The following THBS4 variants were observed in gnomAD, a reference collection of about 807,000 sequenced individuals.
THBS4 encodes the protein thrombospondin-4.
A neutral mutation model predicts 115.7 loss-of-function variants in THBS4; 90 were observed. The observed-to-expected ratio is 0.78, with a 90% CI of 0.66 to 0.93. The LOEUF (loss-of-function observed/expected upper bound fraction) is 0.93, where lower values mean the gene tolerates loss of function less well. THBS4 is among the 40% of genes least tolerant of loss of function. THBS4 has a pLI of 0.00. For synonymous variants in THBS4, 460 were observed against 479.3 expected, an observed-to-expected ratio of 0.96 and a Z score of 0.53; for missense variants, 1,087 against 1,232.7, an observed-to-expected ratio of 0.88 and a Z score of 1.77.
chr5:80,082,143 G>T (rs1743538689), intron 20 of THBS4: 1 of 418,670 alleles, frequency 2.4e-6, no homozygotes, highest in African/African-American at 2.0e-5. Context: ...GTTAGGCCTT[G>T]TGAGAGACAG....
At chr5:80,048,976 G>A (rs544943152) in intron 2 of THBS4, among the ~76,000 whole-genome samples, 2 of 152,216 alleles carry the variant, frequency 1.3e-5, no homozygotes, top group East Asian at 3.9e-4. Context: ...GTTTAAAAGT[G>A]CCAAAGAGCA....
chr5:80,043,084 T>C (rs1832957326), intron 2 of THBS4, among the ~76,000 whole-genome samples: 1 of 152,166 alleles, frequency 6.6e-6, no homozygotes, highest in Non-Finnish European at 1.5e-5. Context: ...TCTTAGAAAC[T>C]GTGGGGGCAG....
intron 2 of THBS4, among the ~76,000 whole-genome samples, chr5:80,024,167 C>A (rs2151159631): frequency 6.6e-6 from 1 of 152,298 alleles, no homozygotes; most frequent in South Asian, 2.1e-4. Context: ...TTTCCACTCA[C>A]CTGAAAACAG....
In THBS4 at chr5:80,028,471, T is replaced by G. The variant is rs1298645665; in HGVS notation, n.178-11606T>G. On this transcript the variant is annotated intron_variant and non_coding_transcript_variant, in intron 2 of 3. Coordinates refer to the THBS4 transcript ENST00000510218. ...CCATACTTTTTTTTTTTGGTTTGTT[T>G]GTTTTGAGACAGAGTCTTGATATGT... Among the ~76,000 whole-genome samples, 15 of 152,042 alleles carry G rather than the reference T, an allele frequency of 9.9e-5. No individual in the cohort carries two copies. The East Asian group carries it at 2.9e-3, about 29-fold the overall frequency.
In THBS4 at chr5:80,059,816, C is replaced by T. The variant is rs752843324; in HGVS notation, c.898C>T (p.Gln300Ter). ...CTCCAACCCATGTTTCCGAGGTGTC[C>T]AATGTACCGACAGTAGAGATGGCTT... ...CDSNPCFRGV[Q>*]CTDSRDGFQC... is the part of the protein sequence containing the mutation. Residue 300 changes from glutamine to a stop codon, truncating the protein, a stop_gained, in exon 7 of 22, where the codon CAA (glutamine) becomes TAA (stop). Transcript: ENST00000350881. LOFTEE classifies it high-confidence loss of function. The T allele has an allele frequency of 6.2e-7, 1 of 1,614,188 alleles. No individual in the cohort carries two copies. Among genetic ancestry groups the T allele is most frequent in the Non-Finnish European group, 8.5e-7 (1 of 1,180,038 alleles).
At chr5:80,072,838 T>C (rs990222974) in intron 14 of THBS4, among the ~76,000 whole-genome samples, 6 of 152,216 alleles carry the variant, frequency 3.9e-5, no homozygotes, top group African/African-American at 1.4e-4. Flanking sequence ...GTATGATGTG[T>C]CATTTATTTT....
chr5:79,999,694 C>T lies in THBS4; in HGVS notation n.177+1267C>T, dbSNP rs570349410. The stretch of plus-strand genomic sequence containing the variant: ...AGGATTCTTTGCTTTATACATAAAT[C>T]GCTTTAAACAGCAAAGTCTCCTAGC... On this transcript the variant is annotated intron_variant and non_coding_transcript_variant, in intron 2 of 3. Coordinates refer to the THBS4 transcript ENST00000510218. Among the ~76,000 whole-genome samples the T allele has an allele frequency of 9.7e-4, 148 of 152,278 alleles. 1 individual carries two copies. Among genetic ancestry groups the T allele is most frequent in the African/African-American group, 3.5e-3 (145 of 41,560 alleles).
At chr5:80,059,948 C>G in intron 7 of THBS4, 43 bp downstream of exon 7, 2 of 1,575,174 alleles carry the variant, frequency 1.3e-6, no homozygotes, top group Non-Finnish European at 1.7e-6. Context: ...TAAGTATCCT[C>G]CTCACCCTGC....
intron 2 of THBS4, among the ~76,000 whole-genome samples, chr5:80,047,649 T>C (rs1409492140): frequency 1.3e-5 from 2 of 151,300 alleles, no homozygotes; most frequent in East Asian, 3.9e-4. Context: ...TTTTTTTTTT[T>C]TTGAGACAGA....
At chr5:80,061,623 G>A (rs2112104267) in intron 7 of THBS4, 72 bp from the exon 8 acceptor site, 2 of 1,505,504 alleles carry the variant, frequency 1.3e-6, no homozygotes, top group East Asian at 2.3e-5. Context: ...ACAAGTATGT[G>A]CAAATAGATG....
chr5:80,067,700 G>T, intron 9 of THBS4: 1 of 313,468 alleles, frequency 3.2e-6, no homozygotes, highest in Non-Finnish European at 5.9e-6. Context: ...ACGGTGGCGC[G>T]GGCAACTCAG....
chr5:80,058,275 T>C lies in THBS4; in HGVS notation c.610T>C (p.Phe204Leu). ...CCAGGTGGCCAGCCTGCAAGACTGC[T>C]TCCTGCAGCAGAGTGAGCCACTGGC... Reference protein sequence around the residue: ...LFQVASLQDCFLQQSEPLAAT... With the variant: ...LFQVASLQDCLLQQSEPLAAT... Residue 204 changes from phenylalanine to leucine, a missense_variant, in exon 4 of 22, where the codon TTC becomes CTC. Around this residue, in one of 3 missense-constraint regions of THBS4, gnomAD observed 979 missense variants for 1,103.7 expected, o/e 0.89. Coordinates refer to ENST00000350881, the MANE Select transcript of THBS4 (RefSeq NM_003248.6). 1 of 1,574,012 alleles carries C rather than the reference T, an allele frequency of 6.4e-7. No homozygotes were observed. Among genetic ancestry groups the C allele is most frequent in the Non-Finnish European group, 8.6e-7 (1 of 1,158,526 alleles).
chr5:80,029,977 T>A lies in THBS4; in HGVS notation n.178-10100T>A, dbSNP rs149980178. On this transcript the variant is annotated intron_variant and non_coding_transcript_variant, in intron 2 of 3. Transcript: ENST00000510218. ...AGCGAGACTCCATCTCAAAAAAAAA[T>A]AATAGGAAATTCTACTTTGAATTGC... 1.7e-3 allele frequency among the ~76,000 whole-genome samples: 260 copies of A among 151,802 alleles called. 1 individual carries two copies. Among genetic ancestry groups the A allele is most frequent in the African/African-American group, 5.9e-3 (246 of 41,412 alleles).
intron 2 of THBS4, among the ~76,000 whole-genome samples, chr5:80,017,552 G>T (rs1832276220): frequency 6.6e-6 from 1 of 152,078 alleles, no homozygotes; most frequent in African/African-American, 2.4e-5. Flanking sequence ...TGCTTCCCAT[G>T]CCACTTTATT....
At chr5:80,050,491 A>C (rs1833220523) in intron 2 of THBS4, among the ~76,000 whole-genome samples, 3 of 152,142 alleles carry the variant, frequency 2.0e-5, no homozygotes, top group Admixed American at 6.5e-5. Flanking sequence ...CAGCTGATAC[A>C]TCCAGTGCAG....
At chr5:80,016,892 A>C (rs1180089088) in intron 2 of THBS4, among the ~76,000 whole-genome samples, 1 of 152,234 alleles carries the variant, frequency 6.6e-6, no homozygotes, top group Admixed American at 6.5e-5. Context: ...ACAAAACAGC[A>C]AAAGAGTTTC....
At chr5:80,080,264 C>A (rs985361092) in intron 20 of THBS4, 187 bp downstream of exon 20, 2 of 678,396 alleles carry the variant, frequency 2.9e-6, no homozygotes, top group Non-Finnish European at 4.9e-6. Context: ...AGGGTCAGAC[C>A]ACCCGGACAG....
rs373157089 is a variant in THBS4, at chr5:80,050,274, A to C, written c.293-5511A>C. ...TGGCTGTGTGGGAGACCAGAGTTTTATTATTACTCAAATCAGTCTCCCCAA... is the reference window on the plus strand; with the variant it reads ...TGGCTGTGTGGGAGACCAGAGTTTTCTTATTACTCAAATCAGTCTCCCCAA... On this transcript the variant is annotated intron_variant, in intron 2 of 21. Coordinates refer to ENST00000350881, the MANE Select transcript of THBS4 (RefSeq NM_003248.6). Among the ~76,000 whole-genome samples, 9 of 152,182 alleles carry C rather than the reference A, an allele frequency of 5.9e-5. No homozygotes were observed. The East Asian group carries it at 1.3e-3, about 23-fold the overall frequency.
At chr5:80,051,212 A>T (rs1833245027) in intron 2 of THBS4, among the ~76,000 whole-genome samples, 2 of 152,210 alleles carry the variant, frequency 1.3e-5, no homozygotes, top group Non-Finnish European at 2.9e-5. Context: ...ACTCGCACCC[A>T]ACAGGCTGCA....
Sources: allele counts gnomAD v4.1 joint callset (sites outside exome capture counted in the v4.1 genomes callset), GRCh38; gene constraint gnomAD v4.1.1; regional missense constraint gnomAD v4.1.1; transcripts MANE v1.5; gene names NCBI Gene and HGNC (gene_info 2026-07-23, HGNC 2026-07-21).